The following EFCAB5 variants were observed in gnomAD, a reference collection of about 807,000 sequenced individuals.
EFCAB5 encodes EF-hand calcium-binding domain-containing protein 5.
A neutral mutation model predicts 167.9 loss-of-function variants in EFCAB5; 131 were observed. The observed-to-expected ratio is 0.78, with a 90% CI of 0.68 to 0.90. EFCAB5 has a LOEUF of 0.90. Among genes scored for constraint, EFCAB5 ranks in the 40% least tolerant of loss-of-function variants. EFCAB5 has a pLI of 0.00. For missense variants in EFCAB5, 1,663 were observed against 1,745.2 expected (o/e 0.95, Z 0.84); for synonymous variants, 574 against 602.8 (o/e 0.95, Z 0.70).
chr17:30,098,573 T>C (rs1160482333), intron 22 of EFCAB5, among the ~76,000 whole-genome samples: 3 of 151,058 alleles, frequency 2.0e-5, no homozygotes, highest in Non-Finnish European at 3.0e-5. Flanking sequence ...AAGCTGTCCT[T>C]CCACCTCAGC....
At position 30,071,662 on chromosome 17, in the gene EFCAB5, G is replaced by T. The variant is rs758350662; in HGVS notation, c.2738-6553G>T. 5.9e-5 allele frequency among the ~76,000 whole-genome samples: 9 copies of T among 152,088 alleles called. No individual in the cohort carries two copies. In the East Asian group the frequency reaches 7.7e-4, roughly 13 times the overall value. Reference sequence around the variant, plus strand: ...ACTCAAAGTATATATCCAAAAGAAAGGAAATAAGTATGTTAAAGAGATTTC... The same window carrying T: ...ACTCAAAGTATATATCCAAAAGAAATGAAATAAGTATGTTAAAGAGATTTC... On this transcript the variant is annotated intron_variant, in intron 14 of 22. Transcript: ENST00000394835.
intron 3 of EFCAB5, among the ~76,000 whole-genome samples, chr17:29,963,160 T>C (rs1292748755): frequency 6.6e-6 from 1 of 152,148 alleles, no homozygotes. Context: ...CAGGCTGGTC[T>C]TGAACTCCTG....
intron 8 of EFCAB5, among the ~76,000 whole-genome samples, chr17:30,050,140 CTT>C (rs1014362189): frequency 1.4e-5 from 2 of 141,432 alleles, no homozygotes; most frequent in Non-Finnish European, 1.6e-5. Flanking sequence ...ACTTTTTTTT[CTT>C]TTTTTTTTTT....
intron 4 of EFCAB5, among the ~76,000 whole-genome samples, chr17:29,987,054 A>G (rs1156830751): frequency 1.3e-5 from 2 of 152,194 alleles, no homozygotes; most frequent in Non-Finnish European, 2.9e-5. Flanking sequence ...AATATGCCCA[A>G]TAAGTATAAT....
chr17:30,013,136 A>C (rs141455625), intron 7 of EFCAB5, among the ~76,000 whole-genome samples: 1 of 152,114 alleles, frequency 6.6e-6, no homozygotes, highest in Non-Finnish European at 1.5e-5. Flanking sequence ...CCAGTCTTGC[A>C]TCCCAGGGAT....
intron 3 of EFCAB5, chr17:29,968,246 T>C (rs149245926): frequency 4.0e-4 from 170 of 420,010 alleles, no homozygotes; most frequent in African/African-American, 3.4e-3. Flanking sequence ...TATCAGAGAA[T>C]TTGAACCAAA....
intron 1 of EFCAB5, among the ~76,000 whole-genome samples, chr17:29,936,027 TGAA>T (rs1331592465): frequency 4.6e-5 from 7 of 152,110 alleles, no homozygotes; most frequent in African/African-American, 1.7e-4. Flanking sequence ...GCTACCAGGA[TGAA>T]GAAGCATTAC....
At chr17:30,039,714 C>A (rs1238579940) in intron 8 of EFCAB5, among the ~76,000 whole-genome samples, 3 of 152,206 alleles carry the variant, frequency 2.0e-5, no homozygotes, top group African/African-American at 7.2e-5. Flanking sequence ...TTGTCAATCC[C>A]ACCAGTGTAA....
In EFCAB5 at chr17:30,107,930, AAC is replaced by A; in HGVS notation, c.4420_4421del (p.Gln1474ThrfsTer3). 1 of 1,612,052 alleles carries A rather than the reference AAC, an allele frequency of 6.2e-7. No homozygotes were observed. The highest frequency in any genetic ancestry group is 2.2e-5 in the East Asian group (1 of 44,720). ...TGTTCAGCTCTCATGAAGATAACCAAACAACTAAATAGTGGTATTACACCTCC... is the reference window on the plus strand; with the variant it reads ...TGTTCAGCTCTCATGAAGATAACCAAAACTAAATAGTGGTATTACACCTCC... On this transcript the variant is annotated frameshift_variant, in exon 23 of 23. Transcript: ENST00000394835. LOFTEE classifies it low-confidence loss of function (END_TRUNC).
At chr17:30,107,093 A>G (rs1351904018) in intron 22 of EFCAB5, among the ~76,000 whole-genome samples, 2 of 152,202 alleles carry the variant, frequency 1.3e-5, no homozygotes, top group African/African-American at 4.8e-5. Flanking sequence ...GTTCAACTCT[A>G]TATAGTCTTT....
chr17:30,033,452 TTCTA>T (rs893689936), intron 7 of EFCAB5, among the ~76,000 whole-genome samples: 4 of 152,220 alleles, frequency 2.6e-5, no homozygotes, highest in Non-Finnish European at 5.9e-5. Context: ...ACAGGATACC[TTCTA>T]TCTCTTAAAG....
At chr17:29,980,752 A>C (rs1324881447) in intron 4 of EFCAB5, among the ~76,000 whole-genome samples, 1 of 152,166 alleles carries the variant, frequency 6.6e-6, no homozygotes, top group Non-Finnish European at 1.5e-5. Context: ...TACATTCATG[A>C]CTTTTAGATT....
upstream of EFCAB5, among the ~76,000 whole-genome samples, chr17:29,936,832 C>T (rs2067249141): frequency 6.6e-6 from 1 of 152,190 alleles, no homozygotes; most frequent in African/African-American, 2.4e-5. Context: ...AGTCAAGATG[C>T]TCAATATCTC....
intron 4 of EFCAB5, among the ~76,000 whole-genome samples, 194 bp downstream of exon 4, chr17:29,969,561 G>A (rs931396379): frequency 3.0e-4 from 45 of 152,000 alleles, no homozygotes; most frequent in Admixed American, 2.9e-3. Flanking sequence ...TAAGTTCCTT[G>A]TATTCATAGA....
chr17:30,055,757 T>C, intron 10 of EFCAB5, 131 bp from the exon 11 acceptor site: 1 of 864,436 alleles, frequency 1.2e-6, no homozygotes, highest in South Asian at 1.8e-5. Flanking sequence ...ATTGCAACAC[T>C]GCATATATGG....
chr17:29,941,747 G>A lies in EFCAB5; in HGVS notation c.-50G>A. ...TTTCTTTCTTTTTGTTATTAATACT[G>A]GTCTAGTAATATTCTTCTATACCAT... On this transcript the variant is annotated 5_prime_UTR_variant, in exon 1 of 23. Transcript: ENST00000394835. The A allele has an allele frequency of 6.8e-7, 1 of 1,476,556 alleles. No homozygotes were observed. Among genetic ancestry groups the A allele is most frequent in the Non-Finnish European group, 9.3e-7 (1 of 1,077,070 alleles). 91.5% of individuals were successfully genotyped at this position (1,476,556 alleles called of 1,614,324 possible). A position where few individuals can be genotyped will look rare whatever the true frequency, so the allele number is the denominator to read the frequency against.
chr17:29,993,497 C>CAAAA (rs58797894), intron 5 of EFCAB5, among the ~76,000 whole-genome samples, 176 bp downstream of exon 5: 1 of 130,612 alleles, frequency 7.7e-6, no homozygotes, highest in Non-Finnish European at 1.7e-5. Flanking sequence ...TGAGCATTAC[C>CAAAA]AAAAAAAAAA....
chr17:30,014,158 G>C lies in EFCAB5; in HGVS notation c.1044+14182G>C, dbSNP rs185880275. Among the ~76,000 whole-genome samples, 5 of 152,312 alleles carry C rather than the reference G, an allele frequency of 3.3e-5. No individual in the cohort carries two copies. In the East Asian group the frequency reaches 9.6e-4, roughly 29 times the overall value. On this transcript the variant is annotated intron_variant, in intron 7 of 22. Transcript: ENST00000394835. ...TGAGTTCTCATTTGATTGCACTGTG[G>C]CCTGAGAGACAGACTGTTGTGATTT...
chr17:29,972,204 ATT>A (rs11409322), intron 4 of EFCAB5, among the ~76,000 whole-genome samples: 6 of 127,420 alleles, frequency 4.7e-5, no homozygotes, highest in African/African-American at 1.2e-4. Context: ...CGCCCGGCTA[ATT>A]TTTTTTTTTT....
Sources: gnomAD v4.1 joint callset for allele counts (sites outside exome capture counted in the v4.1 genomes callset) on GRCh38, gnomAD v4.1.1 for gene constraint, MANE v1.5 for transcripts, NCBI Gene and HGNC (gene_info 2026-07-23, HGNC 2026-07-21) for gene names.